KCNU1: variants seen among roughly 807,000 people sequenced by gnomAD.
KCNU1 encodes potassium channel subfamily U member 1.
Under a neutral mutation model 126.8 loss-of-function variants are expected in KCNU1, and 93 were observed. The observed-to-expected ratio is 0.73, with a 90% confidence interval of 0.62 to 0.87. KCNU1 has a LOEUF of 0.87. Ranked by LOEUF, KCNU1 falls within the 40% of genes least tolerant of loss-of-function variation. The pLI, the probability that KCNU1 is intolerant of heterozygous loss-of-function variation, is 0.00. For missense variants in KCNU1, 1,330 were observed against 1,367.1 expected (o/e 0.97, Z 0.43); for synonymous variants, 523 against 494.2 (o/e 1.06, Z -0.77).
At chr8:36,930,909 TG>T in intron 24 of KCNU1, 41 bp from the exon 25 acceptor site, 1 of 1,462,344 alleles carries the variant, frequency 6.8e-7, no homozygotes, top group Non-Finnish European at 9.3e-7. Flanking sequence ...GTTCACATAT[TG>T]GCTCTTCTGA....
At chr8:36,798,026 T>G (rs181079214) in intron 2 of KCNU1, among the ~76,000 whole-genome samples, 1 of 152,330 alleles carries the variant, frequency 6.6e-6, no homozygotes, top group East Asian at 1.9e-4. Flanking sequence ...TTGTTGCTTC[T>G]GTGTTTCGTG....
At chr8:36,857,943 G>A (rs1026234496) in intron 18 of KCNU1, among the ~76,000 whole-genome samples, 7 of 152,126 alleles carry the variant, frequency 4.6e-5, no homozygotes, top group African/African-American at 1.7e-4. Context: ...ACTGCACCCA[G>A]CCACAAGTTT....
intron 6 of KCNU1, among the ~76,000 whole-genome samples, chr8:36,807,829 A>C (rs1230247980): frequency 6.6e-6 from 1 of 151,916 alleles, no homozygotes; most frequent in Admixed American, 6.6e-5. Flanking sequence ...AAAAAGAAAC[A>C]CTTCTTCAGG....
At chr8:36,785,197 G>A (rs1802671240) in intron 1 of KCNU1, among the ~76,000 whole-genome samples, 1 of 152,114 alleles carries the variant, frequency 6.6e-6, no homozygotes, top group Admixed American at 6.5e-5. Context: ...AATAACAGCT[G>A]GCAAATGATG....
At chr8:36,924,586 C>T (rs1212126691) in intron 24 of KCNU1, among the ~76,000 whole-genome samples, 3 of 152,168 alleles carry the variant, frequency 2.0e-5, no homozygotes, top group Non-Finnish European at 4.4e-5. Context: ...AAGAGTTAAG[C>T]AGCTCAGCCT....
chr8:36,931,487 T>C (rs190822564), intron 25 of KCNU1, among the ~76,000 whole-genome samples: 24 of 152,276 alleles, frequency 1.6e-4, no homozygotes, highest in African/African-American at 5.1e-4. Flanking sequence ...TAACAGCTAA[T>C]GTTTATTGAG....
At chr8:36,887,776 A>C (rs559854648) in intron 19 of KCNU1, among the ~76,000 whole-genome samples, 1 of 152,316 alleles carries the variant, frequency 6.6e-6, no homozygotes, top group East Asian at 1.9e-4. Context: ...GCTTTGTGGC[A>C]GTTAGAATGT....
At position 36,922,541 on chromosome 8, in the gene KCNU1, C is replaced by G. The variant is rs780715023; in HGVS notation, c.2648C>G (p.Ser883Cys). The change falls in exon 24 of 27, where the codon TCC becomes TGC. Residue 883 changes from serine to cysteine, a missense_variant. Ser to Cys is a moderately radical substitution (Grantham distance 112, BLOSUM62 -1). This residue lies in a region of KCNU1 where 1,054 missense variants were observed against 1,053.9 expected (regional missense o/e 1.00). Coordinates refer to ENST00000399881, the MANE Select transcript of KCNU1 (RefSeq NM_001031836.3). ...FIEQLGGLEGSLQETNLHLST... is the reference protein window; with the variant it reads ...FIEQLGGLEGCLQETNLHLST... ...GAACAGCTTGGTGGACTGGAAGGGT[C>G]CCTCCAAGAAACAAATCTGCATCTC... 2 of 1,613,552 alleles carry G rather than the reference C, an allele frequency of 1.2e-6. No individual in the cohort carries two copies. Among genetic ancestry groups the G allele is most frequent in the Non-Finnish European group, 1.7e-6 (2 of 1,179,640 alleles).
chr8:36,834,964 T>C, intron 12 of KCNU1, 96 bp downstream of exon 12: 1 of 782,932 alleles, frequency 1.3e-6, no homozygotes, highest in Non-Finnish European at 2.1e-6. Flanking sequence ...GAAAATGTCG[T>C]CTATCATATC....
At chr8:36,785,777 C>T (rs1056218395) in intron 1 of KCNU1, among the ~76,000 whole-genome samples, 4 of 152,142 alleles carry the variant, frequency 2.6e-5, no homozygotes, top group Non-Finnish European at 4.4e-5. Flanking sequence ...TAGTCTTCTG[C>T]TCCAGGCAAT....
At chr8:36,879,211 G>GTGTATATATATATA (rs541223094) in intron 19 of KCNU1, among the ~76,000 whole-genome samples, 11 of 101,756 alleles carry the variant, frequency 1.1e-4, no homozygotes, top group African/African-American at 3.1e-4. Context: ...GTGTGTGTGT[G>GTGTATATATATATA]TATATATATA....
At chr8:36,925,317 T>C (rs571834153) in intron 24 of KCNU1, among the ~76,000 whole-genome samples, 2 of 152,188 alleles carry the variant, frequency 1.3e-5, no homozygotes, top group Admixed American at 6.5e-5. Flanking sequence ...CAACTGAATT[T>C]GGGCAGGGAC....
chr8:36,885,282 C>T (rs993199567), intron 19 of KCNU1, among the ~76,000 whole-genome samples: 6 of 152,120 alleles, frequency 3.9e-5, no homozygotes, highest in African/African-American at 9.7e-5. Context: ...TGGCCGGATA[C>T]GATGGCTCAC....
intron 19 of KCNU1, among the ~76,000 whole-genome samples, chr8:36,889,983 A>G (rs905397063): frequency 4.3e-4 from 65 of 152,024 alleles, no homozygotes; most frequent in Non-Finnish European, 1.5e-4. Flanking sequence ...GAAAGAAAAA[A>G]CCCCATCAAC....
intron 19 of KCNU1, among the ~76,000 whole-genome samples, chr8:36,873,092 A>T (rs926677985): frequency 1.3e-5 from 2 of 152,198 alleles, no homozygotes; most frequent in African/African-American, 4.8e-5. Context: ...AAAATAAACT[A>T]ACCAACCAAA....
intron 19 of KCNU1, among the ~76,000 whole-genome samples, chr8:36,871,665 TG>T (rs1806108195): frequency 6.6e-6 from 1 of 152,282 alleles, no homozygotes; most frequent in South Asian, 2.1e-4. Flanking sequence ...TTTGTGAGTC[TG>T]TGGACAGGTC....
At chr8:36,923,701 G>A (rs1334327262) in intron 24 of KCNU1, among the ~76,000 whole-genome samples, 2 of 152,188 alleles carry the variant, frequency 1.3e-5, no homozygotes, top group Non-Finnish European at 2.9e-5. Flanking sequence ...ATGCATTTGG[G>A]TCATCCTTAC....
At chr8:36,848,979 T>A (rs568649352) in intron 18 of KCNU1, among the ~76,000 whole-genome samples, 18 of 152,250 alleles carry the variant, frequency 1.2e-4, no homozygotes, top group Non-Finnish European at 1.9e-4. Context: ...TACCATGAAA[T>A]AAATATATAT....
At chr8:36,830,856 C>T (rs1438094338) in intron 10 of KCNU1, among the ~76,000 whole-genome samples, 61 of 149,360 alleles carry the variant, frequency 4.1e-4, no homozygotes, top group African/African-American at 4.9e-4. Flanking sequence ...GCGCTGCACC[C>T]ACTAACTCGT....
Sources: gnomAD v4.1 joint callset for allele counts (sites outside exome capture counted in the v4.1 genomes callset) on GRCh38, gnomAD v4.1.1 for gene constraint, gnomAD v4.1.1 regional missense constraint, MANE v1.5 for transcripts, NCBI Gene and HGNC (gene_info 2026-07-23, HGNC 2026-07-21) for gene names.